Variants in COLQ observed in about 807,000 individuals in gnomAD.
COLQ encodes the protein acetylcholinesterase collagenic tail peptide.
A neutral mutation model predicts 69.0 loss-of-function variants in COLQ; 48 were observed. The ratio of observed to expected loss-of-function variants is 0.70; its 90% CI spans 0.55 to 0.88. The LOEUF (loss-of-function observed/expected upper bound fraction) is 0.88. Among genes scored for constraint, COLQ ranks in the 40% least tolerant of loss-of-function variants. The pLI is 0.00. For synonymous variants in COLQ, 217 were observed against 211.2 expected (o/e 1.03, Z -0.24); for missense variants, 618 against 594.6 (o/e 1.04, Z -0.41).
chr3:15,509,684 C>G lies in COLQ; in HGVS notation c.106+11836G>C, dbSNP rs987405305. ...CCCAGGCTCTCTCCTTGGATCCTTG[C>G]AATGATGTTATGGATTGTATATTCC... On this transcript the variant is annotated intron_variant, in intron 1 of 16. Coordinates refer to ENST00000383788, the MANE Select transcript of COLQ (RefSeq NM_005677.4). 2.7e-4 allele frequency among the ~76,000 whole-genome samples: 41 copies of G among 152,324 alleles called. 1 individual carries two copies. The highest frequency in any genetic ancestry group is 9.9e-4 in the African/African-American group (41 of 41,562).
rs1191895082 is a variant in COLQ, at chr3:15,451,840, G to T, written c.1299-127C>A. 3.7e-6 allele frequency: 3 copies of T among 808,200 alleles called. No homozygotes were observed. In the East Asian group the frequency reaches 7.7e-5, roughly 21 times the overall value. The allele number at this position is 808,200 out of a possible 1,614,324, so 50.1% of individuals were successfully genotyped here. The stretch of plus-strand genomic sequence containing the variant: ...GAACTTTTTCCCATTCTCATTTGGA[G>T]TGAGAGGCCTGGGGGAGTTGAATCA... On this transcript the variant is annotated intron_variant, in intron 16 of 16. Coordinates refer to ENST00000383788, the MANE Select transcript of COLQ (RefSeq NM_005677.4).
intron 2 of COLQ, 82 bp from the exon 3 acceptor site, chr3:15,488,389 C>T (rs148890049): frequency 9.0e-5 from 105 of 1,163,102 alleles, no homozygotes; most frequent in Admixed American, 2.1e-4. Context: ...AGACCTGCTC[C>T]GGGATCAGGT....
chr3:15,459,087 G>A (rs567829290), intron 12 of COLQ, among the ~76,000 whole-genome samples: 40 of 152,034 alleles, frequency 2.6e-4, no homozygotes, highest in African/African-American at 8.9e-4. Context: ...CAAGTAATCC[G>A]CCCACCTCAG....
chr3:15,467,196 G>A (rs1178645565), intron 11 of COLQ, among the ~76,000 whole-genome samples: 1 of 152,224 alleles, frequency 6.6e-6, no homozygotes, highest in Non-Finnish European at 1.5e-5. Context: ...ATGAAATGAG[G>A]GAGGACAAAG....
Position 15,466,344 on chromosome 3 carries a change from C to T in COLQ, c.811G>A (p.Ala271Thr). ...GRPGPPGPPPAGQLIMGPKGE... is the reference protein window; with the variant it reads ...GRPGPPGPPPTGQLIMGPKGE... ...AGTGAAGCAGTGTAGCTCTTACCTG[C>T]AGGTGGGGGGCCTGGGGGCCCCGGA... is the stretch of plus-strand genomic sequence containing the variant. The change falls in exon 12 of 17, where the codon GCA becomes ACA. Residue 271 changes from alanine (A) to threonine (T), a missense_variant. Physicochemically the swap from Ala to Thr is moderately conservative, Grantham distance 58. Coordinates refer to ENST00000383788, the MANE Select transcript of COLQ (RefSeq NM_005677.4). The T allele has an allele frequency of 6.2e-7, 1 of 1,612,630 alleles. No individual in the cohort carries two copies.
chr3:15,477,079 C>A (rs760956254), intron 6 of COLQ, 47 bp downstream of exon 6: 1 of 1,529,048 alleles, frequency 6.5e-7, no homozygotes, highest in Non-Finnish European at 8.9e-7. Flanking sequence ...CATCTTCCCC[C>A]CTCTTGTTTT....
chr3:15,521,441 G>A (rs1469917770), intron 1 of COLQ, 79 bp downstream of exon 1: 2 of 1,574,644 alleles, frequency 1.3e-6, no homozygotes, highest in African/African-American at 2.7e-5. Flanking sequence ...AAAACATCAG[G>A]ACACATTGCA....
intron 7 of COLQ, 127 bp downstream of exon 7, chr3:15,475,298 G>A: frequency 2.1e-6 from 2 of 943,454 alleles, no homozygotes; most frequent in South Asian, 1.4e-5. Context: ...GTAAAGGCAG[G>A]CTCTCCAATA....
intron 1 of COLQ, among the ~76,000 whole-genome samples, chr3:15,490,327 T>C (rs918879415): frequency 6.6e-6 from 1 of 152,208 alleles, no homozygotes; most frequent in African/African-American, 2.4e-5. Context: ...CACAGATCAA[T>C]AAGTTACAGT....
rs148630279 is a variant in COLQ, at chr3:15,521,473, C to T, written c.106+47G>A. 7 of 1,611,328 alleles carry T rather than the reference C, an allele frequency of 4.3e-6. No homozygotes were observed. The African/African-American group carries it at 6.7e-5, about 15-fold the overall frequency. On this transcript the variant is annotated intron_variant, in intron 1 of 16. Coordinates refer to ENST00000383788, the MANE Select transcript of COLQ (RefSeq NM_005677.4). Reference sequence around the variant, plus strand: ...TGCAAAACAATCTTCCTTCCTCCCCCTGTCCCCTGACAGATGGAAGAGAGG... The same window carrying T: ...TGCAAAACAATCTTCCTTCCTCCCCTTGTCCCCTGACAGATGGAAGAGAGG...
At chr3:15,498,828 G>A in intron 1 of COLQ, 1 of 1,440,176 alleles carries the variant, frequency 6.9e-7, no homozygotes, top group South Asian at 1.4e-5. Context: ...ACTGCTGTAG[G>A]GGAGGCTTGG....
intron 1 of COLQ, among the ~76,000 whole-genome samples, chr3:15,505,069 T>G (rs957645459): frequency 1.3e-5 from 2 of 152,214 alleles, no homozygotes; most frequent in Admixed American, 6.5e-5. Flanking sequence ...AAATTTTAGA[T>G]AGTCAACAGA....
At chr3:15,481,910 T>C (rs1035379403) in intron 3 of COLQ, among the ~76,000 whole-genome samples, 11 of 152,212 alleles carry the variant, frequency 7.2e-5, no homozygotes, top group Non-Finnish European at 1.6e-4. Context: ...TTTGCAGTTC[T>C]CCTTGAAGAG....
chr3:15,506,980 T>C (rs773167506), intron 1 of COLQ: 1 of 152,280 alleles, frequency 6.6e-6, no homozygotes, highest in Non-Finnish European at 1.5e-5. Context: ...TCTATTTTTC[T>C]CTTAGAGATG....
In COLQ at chr3:15,450,246, C is replaced by G. The variant is rs756739237; in HGVS notation, c.*1398G>C. On this transcript the variant is annotated 3_prime_UTR_variant, in exon 17 of 17. Coordinates refer to ENST00000383788, the MANE Select transcript of COLQ (RefSeq NM_005677.4). ...GGCCTCGCAGTAGAGGCGAAGGGAACAGGGCTGCCCATGTGCCTGTCTCTA... is the reference window on the plus strand; with the variant it reads ...GGCCTCGCAGTAGAGGCGAAGGGAAGAGGGCTGCCCATGTGCCTGTCTCTA... The G allele has an allele frequency of 3.3e-5, 5 of 153,138 alleles. No individual in the cohort carries two copies. The highest frequency in any genetic ancestry group is 7.3e-5 in the Non-Finnish European group (5 of 68,064). 9.5% of individuals were successfully genotyped at this position (153,138 alleles called of 1,614,324 possible).
chr3:15,520,842 C>A (rs886569820), intron 1 of COLQ, among the ~76,000 whole-genome samples: 3 of 152,182 alleles, frequency 2.0e-5, no homozygotes, highest in African/African-American at 7.2e-5. Context: ...ACACTCAGCT[C>A]CAGACCTGGC....
Position 15,450,941 on chromosome 3 carries a change from C to T in COLQ, c.*703G>A, listed in dbSNP as rs537057072. On this transcript the variant is annotated 3_prime_UTR_variant, in exon 17 of 17. Transcript: ENST00000383788. The stretch of plus-strand genomic sequence containing the variant: ...GAGATTTTGAAACCACAAGAGCCGC[C>T]CCTTTGGGAAACACTGAGAAGAGGA... 1 of 152,738 alleles carries T rather than the reference C, an allele frequency of 6.5e-6. No individual in the cohort carries two copies. The highest frequency in any genetic ancestry group is 2.4e-5 in the African/African-American group (1 of 41,466). 9.5% of individuals were successfully genotyped at this position (152,738 alleles called of 1,614,324 possible).
chr3:15,486,440 C>T (rs765773189), intron 3 of COLQ, among the ~76,000 whole-genome samples: 14 of 152,200 alleles, frequency 9.2e-5, no homozygotes, highest in Non-Finnish European at 1.8e-4. Context: ...AAGGTGGCTA[C>T]ACAGGACCCT....
At chr3:15,452,668 G>A (rs2061965861) in intron 16 of COLQ, among the ~76,000 whole-genome samples, 1 of 152,168 alleles carries the variant, frequency 6.6e-6, no homozygotes, top group Non-Finnish European at 1.5e-5. Flanking sequence ...TCTGGCAGAG[G>A]CCTGTCAGGG....
Sources: allele counts gnomAD v4.1 joint callset (sites outside exome capture counted in the v4.1 genomes callset), GRCh38; gene constraint gnomAD v4.1.1; transcripts MANE v1.5; gene names NCBI Gene and HGNC (gene_info 2026-07-23, HGNC 2026-07-21).